The following TBC1D9 variants were observed in gnomAD, a reference collection of about 807,000 sequenced individuals.
TBC1D9 encodes TBC1 domain family member 9A.
In TBC1D9, 63 loss-of-function variants were observed where a neutral mutation model predicts 132.0. The observed-to-expected ratio is 0.48, with a 90% confidence interval of 0.39 to 0.59. The LOEUF (loss-of-function observed/expected upper bound fraction) is 0.59. Ranked by LOEUF, TBC1D9 falls within the 20% of genes least tolerant of loss-of-function variation. The pLI is 0.00. For missense variants in TBC1D9, 1,261 were observed against 1,592.7 expected (o/e 0.79, Z 3.54); for synonymous variants, 610 against 609.9 (o/e 1.00, Z 0.00).
intron 2 of TBC1D9, among the ~76,000 whole-genome samples, chr4:140,687,321 A>ATATG (rs1553970627): frequency 0.011 from 1,082 of 97,348 alleles, 98 homozygotes; most frequent in South Asian, 0.031. Context: ...ATATATATAT[A>ATATG]TGTGTGTGTG....
chr4:140,682,904 G>A (rs1304857815), intron 3 of TBC1D9, among the ~76,000 whole-genome samples: 2 of 151,950 alleles, frequency 1.3e-5, no homozygotes, highest in African/African-American at 4.8e-5. Flanking sequence ...ATTTATTTTC[G>A]AGATGGAGTT....
intron 1 of TBC1D9, among the ~76,000 whole-genome samples, chr4:140,710,631 C>T (rs1738228329): frequency 6.6e-6 from 1 of 152,024 alleles, no homozygotes; most frequent in Non-Finnish European, 1.5e-5. Flanking sequence ...CCATGTCTTC[C>T]AGGAGCTGTT....
At chr4:140,668,807 G>T in intron 9 of TBC1D9, 110 bp downstream of exon 9, 1 of 1,098,108 alleles carries the variant, frequency 9.1e-7, no homozygotes, top group Non-Finnish European at 1.3e-6. Context: ...GCTTTCAACT[G>T]GGGGATGCAT....
At chr4:140,646,389 G>A (rs188773518) in intron 13 of TBC1D9, among the ~76,000 whole-genome samples, 5 of 152,220 alleles carry the variant, frequency 3.3e-5, no homozygotes, top group African/African-American at 1.2e-4. Context: ...AACTGGCTAG[G>A]GATGCCAGAT....
At chr4:140,646,549 A>G (rs996044334) in intron 13 of TBC1D9, among the ~76,000 whole-genome samples, 7 of 152,208 alleles carry the variant, frequency 4.6e-5, no homozygotes, top group Non-Finnish European at 1.0e-4. Flanking sequence ...GCACCACTCT[A>G]TAGATCAGTC....
intron 5 of TBC1D9, among the ~76,000 whole-genome samples, chr4:140,677,928 T>C (rs1320187399): frequency 6.6e-6 from 1 of 152,120 alleles, no homozygotes; most frequent in East Asian, 1.9e-4. Context: ...ACTATCTCTA[T>C]GTCCCTTCCT....
intron 6 of TBC1D9, among the ~76,000 whole-genome samples, chr4:140,671,175 G>C (rs1734681152): frequency 6.6e-6 from 1 of 152,070 alleles, no homozygotes; most frequent in South Asian, 2.1e-4. Flanking sequence ...GTTCAAAATG[G>C]GACTTTTTTC....
chr4:140,678,406 C>A (rs1737657150), intron 5 of TBC1D9, among the ~76,000 whole-genome samples: 1 of 152,164 alleles, frequency 6.6e-6, no homozygotes, highest in South Asian at 2.1e-4. Flanking sequence ...ATCAACTTTC[C>A]ATCACCCTCT....
At chr4:140,684,183 C>T (rs1361175346) in intron 3 of TBC1D9, among the ~76,000 whole-genome samples, 1 of 151,096 alleles carries the variant, frequency 6.6e-6, no homozygotes, top group Non-Finnish European at 1.5e-5. Flanking sequence ...GGGTGGATTG[C>T]TTGAGCCTAG....
intron 1 of TBC1D9, among the ~76,000 whole-genome samples, chr4:140,718,084 T>G (rs1738365900): frequency 6.6e-6 from 1 of 152,182 alleles, no homozygotes; most frequent in African/African-American, 2.4e-5. Flanking sequence ...ACATTTAATT[T>G]CAATGCATAC....
chr4:140,698,314 C>T (rs1420920123), intron 2 of TBC1D9, among the ~76,000 whole-genome samples: 3 of 152,182 alleles, frequency 2.0e-5, no homozygotes, highest in Admixed American at 1.3e-4. Flanking sequence ...CTTCCTCTCA[C>T]TCAATCCCCA....
At chr4:140,726,687 T>C (rs1738506666) in intron 1 of TBC1D9, among the ~76,000 whole-genome samples, 1 of 152,232 alleles carries the variant, frequency 6.6e-6, no homozygotes, top group African/African-American at 2.4e-5. Context: ...CATTTACTTA[T>C]TGTGCAAGAT....
chr4:140,739,180 G>T (rs868391764), intron 1 of TBC1D9, among the ~76,000 whole-genome samples: 13 of 151,992 alleles, frequency 8.6e-5, no homozygotes, highest in Non-Finnish European at 1.5e-4. Flanking sequence ...TAATAGAGAC[G>T]GAGTATCTCC....
chr4:140,688,048 C>T (rs1024427755), intron 2 of TBC1D9, among the ~76,000 whole-genome samples: 1 of 151,942 alleles, frequency 6.6e-6, no homozygotes, highest in Non-Finnish European at 1.5e-5. Flanking sequence ...ATGATCACAC[C>T]ACTGCACTCC....
chr4:140,718,439 G>A (rs1028101022), intron 1 of TBC1D9, among the ~76,000 whole-genome samples: 4 of 152,094 alleles, frequency 2.6e-5, no homozygotes, highest in Admixed American at 2.0e-4. Flanking sequence ...CAGAGTCAGA[G>A]CTACCCTATA....
chr4:140,664,114 T>C (rs1737408428), intron 9 of TBC1D9, among the ~76,000 whole-genome samples: 1 of 150,564 alleles, frequency 6.6e-6, no homozygotes, highest in African/African-American at 2.4e-5. Context: ...ATAGATATGG[T>C]AAACTAGCTC....
At chr4:140,688,007 T>C (rs911475343) in intron 2 of TBC1D9, among the ~76,000 whole-genome samples, 3 of 151,940 alleles carry the variant, frequency 2.0e-5, no homozygotes, top group African/African-American at 7.3e-5. Context: ...GAGGTCCACA[T>C]GAGCCTAGGA....
At chr4:140,672,061 A>G (rs955945230) in intron 6 of TBC1D9, among the ~76,000 whole-genome samples, 1 of 152,080 alleles carries the variant, frequency 6.6e-6, no homozygotes, top group Admixed American at 6.6e-5. Context: ...TAACCTATTG[A>G]AGTTGTCTAA....
At position 140,670,590 on chromosome 4, in the gene TBC1D9, A is replaced by T. The variant is rs150300502; in HGVS notation, c.1266+130T>A. The stretch of plus-strand genomic sequence containing the variant: ...ACAAAGTCCTTGAGATTTAAATGAG[A>T]TATTGCTGAGATATTGCTTTGGGCG... On this transcript the variant is annotated intron_variant, in intron 7 of 20. Coordinates refer to ENST00000442267, the MANE Select transcript of TBC1D9 (RefSeq NM_015130.3). The T allele has an allele frequency of 2.6e-5, 18 of 685,106 alleles. No homozygotes were observed. The African/African-American group carries it at 3.2e-4, about 12-fold the overall frequency. 42.4% of individuals were successfully genotyped at this position (685,106 alleles called of 1,614,324 possible). A position where few individuals can be genotyped will look rare whatever the true frequency, so the allele number is the denominator to read the frequency against.
Sources: allele counts gnomAD v4.1 joint callset (sites outside exome capture counted in the v4.1 genomes callset), GRCh38; gene constraint gnomAD v4.1.1; transcripts MANE v1.5; gene names NCBI Gene and HGNC (gene_info 2026-07-23, HGNC 2026-07-21).